Variants in GPR26 observed in about 807,000 individuals in gnomAD.
The protein encoded by GPR26 is G protein-coupled receptor 26.
A neutral mutation model predicts 23.1 loss-of-function variants in GPR26; 15 were observed. That is an observed-to-expected ratio of 0.65 (90% CI 0.43 to 1.00). The LOEUF is 1.00. Ranked by LOEUF, GPR26 falls within the 50% of genes least tolerant of loss-of-function variation. GPR26 has a pLI of 0.00. For missense variants in GPR26, 359 were observed against 470.5 expected (o/e 0.76, Z 2.19); for synonymous variants, 228 against 222.1 (o/e 1.03, Z -0.24).
intron 1 of GPR26, among the ~76,000 whole-genome samples, chr10:123,670,976 G>A (rs1845243456): frequency 6.6e-6 from 1 of 152,302 alleles, no homozygotes; most frequent in Non-Finnish European, 1.5e-5. Flanking sequence ...AGGGCCCAGG[G>A]CAGGGGTCCC....
In GPR26 at chr10:123,670,540, G is replaced by A. The variant is rs571436656; in HGVS notation, c.668+3465G>A. 9.9e-5 allele frequency among the ~76,000 whole-genome samples: 15 copies of A among 152,276 alleles called. No individual in the cohort carries two copies. In the East Asian group the frequency reaches 2.3e-3, roughly 24 times the overall value. The stretch of plus-strand genomic sequence containing the variant: ...TGGTGAATATACCTTTATAATGACC[G>A]GCAAGGCTGGGTTCGCATTTAGAAT... On this transcript the variant is annotated intron_variant, in intron 1 of 2. Transcript: ENST00000284674.
chr10:123,675,033 C>G, intron 2 of GPR26, 102 bp downstream of exon 2: 1 of 715,576 alleles, frequency 1.4e-6, no homozygotes, highest in South Asian at 1.6e-5. Flanking sequence ...TTCTTCTGCA[C>G]GGTGTGTTGT....
rs1220581817 is a variant in GPR26 at position 123,694,189 on chromosome 10, G to C, written c.*6029G>C. The C allele has an allele frequency of 2.0e-5, 3 of 153,336 alleles. No individual in the cohort carries two copies. The highest frequency in any genetic ancestry group is 4.4e-5 in the Non-Finnish European group (3 of 68,864). 9.5% of individuals were successfully genotyped at this position (153,336 alleles called of 1,614,324 possible). ...AGAGGGAGGGCTGGAGAACTTAGCT[G>C]GTGGGAAAGGAGGGTTCTGGAAGGC... On this transcript the variant is annotated 3_prime_UTR_variant, in exon 3 of 3. Coordinates refer to ENST00000284674, the MANE Select transcript of GPR26 (RefSeq NM_153442.4).
intron 2 of GPR26, among the ~76,000 whole-genome samples, chr10:123,679,064 TGTTCTTTTCAAGATGATTTCCAA>T (rs1418808856): frequency 6.6e-6 from 1 of 152,264 alleles, no homozygotes; most frequent in Non-Finnish European, 1.5e-5. Context: ...ATTTTTCTGC[TGTTCTTTTCAAGATGATTTCCAA>T]GTGTAGACAT....
At position 123,666,809 on chromosome 10, in the gene GPR26, G is replaced by C; in HGVS notation, c.402G>C (p.Ala134=). The C allele has an allele frequency of 6.2e-7, 1 of 1,607,822 alleles. No individual in the cohort carries two copies. Among genetic ancestry groups the C allele is most frequent in the Non-Finnish European group, 8.5e-7 (1 of 1,177,972 alleles). ...ALMVAYTWLH[A]LTFPAAALAL... is the part of the protein sequence containing the mutation. ...TGGTGGCCTACACGTGGCTGCACGC[G>C]CTCACCTTCCCAGCCGCCGCGCTCG... The change falls in exon 1 of 3, where the codon GCG becomes GCC. Residue 134 remains alanine, a synonymous_variant. Transcript: ENST00000284674.
At chr10:123,672,849 T>TATCA (rs977299798) in intron 1 of GPR26, among the ~76,000 whole-genome samples, 8 of 152,222 alleles carry the variant, frequency 5.3e-5, no homozygotes, top group African/African-American at 1.4e-4. Context: ...TTGGTCACCC[T>TATCA]ATCACCACCA....
chr10:123,673,645 T>C (rs1845274949), intron 1 of GPR26, among the ~76,000 whole-genome samples: 1 of 152,138 alleles, frequency 6.6e-6, no homozygotes, highest in African/African-American at 2.4e-5. Flanking sequence ...TCAAGCTTGG[T>C]CCCTGGAGGA....
chr10:123,684,011 T>G (rs1401817073), intron 2 of GPR26, among the ~76,000 whole-genome samples: 1 of 152,020 alleles, frequency 6.6e-6, no homozygotes, highest in Non-Finnish European at 1.5e-5. Flanking sequence ...TCCCGGCCTC[T>G]CCCCAGCTCC....
rs1350159665 is a variant in GPR26, at chr10:123,689,089, G to A, written c.*929G>A. 1 of 152,186 alleles carries A rather than the reference G, an allele frequency of 6.6e-6. No individual in the cohort carries two copies. Among genetic ancestry groups the A allele is most frequent in the Non-Finnish European group, 1.5e-5 (1 of 68,040 alleles). 9.4% of individuals were successfully genotyped at this position (152,186 alleles called of 1,614,324 possible). A position where few individuals can be genotyped will look rare whatever the true frequency, so the allele number is the denominator to read the frequency against. ...ATCTGGCATGTCCTGGGAGATGGATGGGCAAGAACTGGCCTGAGCAGGGAT... is the reference window on the plus strand; with the variant it reads ...ATCTGGCATGTCCTGGGAGATGGATAGGCAAGAACTGGCCTGAGCAGGGAT... On this transcript the variant is annotated 3_prime_UTR_variant, in exon 3 of 3. Coordinates refer to ENST00000284674, the MANE Select transcript of GPR26 (RefSeq NM_153442.4).
In GPR26 at chr10:123,695,849, T is replaced by G. The variant is rs906510117; in HGVS notation, c.*7689T>G. 6.6e-6 allele frequency among the ~76,000 whole-genome samples: 1 copy of G among 152,214 alleles called. No homozygotes were observed. The highest frequency in any genetic ancestry group is 2.4e-5 in the African/African-American group (1 of 41,464). ...ACACTCCTGTTTTACAACAAACATGTAAATACAACCTCTTTTGGAGTGCAG... is the reference window on the plus strand; with the variant it reads ...ACACTCCTGTTTTACAACAAACATGGAAATACAACCTCTTTTGGAGTGCAG... On this transcript the variant is annotated 3_prime_UTR_variant, in exon 3 of 3. Transcript: ENST00000284674.
chr10:123,670,639 C>G (rs1256763598), intron 1 of GPR26, among the ~76,000 whole-genome samples: 1 of 152,208 alleles, frequency 6.6e-6, no homozygotes, highest in Non-Finnish European at 1.5e-5. Flanking sequence ...GCCTCCCACC[C>G]CAGCTCTAAC....
In GPR26 at chr10:123,696,229, C is replaced by T. The variant is rs993382073; in HGVS notation, c.*8069C>T. Among the ~76,000 whole-genome samples the T allele has an allele frequency of 2.6e-5, 4 of 152,172 alleles. No homozygotes were observed. Among genetic ancestry groups the T allele is most frequent in the Non-Finnish European group, 4.4e-5 (3 of 68,034 alleles). The stretch of plus-strand genomic sequence containing the variant: ...CCTTCTTCATGGAACACACTCATTT[C>T]GCCACACGGAGGCTTTACTCTGCCC... On this transcript the variant is annotated 3_prime_UTR_variant, in exon 3 of 3. Coordinates refer to ENST00000284674, the MANE Select transcript of GPR26 (RefSeq NM_153442.4).
In GPR26 at chr10:123,695,689, C is replaced by T. The variant is rs1273638636; in HGVS notation, c.*7529C>T. ...ACCAAACACCCTGCACCAAAAGACT[C>T]AGCTTGACATTGCTTTGCACTCAAC... On this transcript the variant is annotated 3_prime_UTR_variant, in exon 3 of 3. Transcript: ENST00000284674. Among the ~76,000 whole-genome samples, 1 of 152,176 alleles carries T rather than the reference C, an allele frequency of 6.6e-6. No homozygotes were observed. The highest frequency in any genetic ancestry group is 1.5e-5 in the Non-Finnish European group (1 of 68,046).
chr10:123,693,049 C>G lies in GPR26; in HGVS notation c.*4889C>G, dbSNP rs1487297219. On this transcript the variant is annotated 3_prime_UTR_variant, in exon 3 of 3. Transcript: ENST00000284674. ...TCTAGGCTCAGCAGATGTTTTTCTG[C>G]CATTAGGAAACAGCCCCTTACTCTC... The G allele has an allele frequency of 6.6e-6, 1 of 152,200 alleles. No homozygotes were observed. Among genetic ancestry groups the G allele is most frequent in the African/African-American group, 2.4e-5 (1 of 41,450 alleles). The allele number at this position is 152,200 out of a possible 1,614,324, so 9.4% of individuals were successfully genotyped here.
Position 123,696,536 on chromosome 10 carries a change from T to A in GPR26, c.*8376T>A, listed in dbSNP as rs1157361637. 6.6e-6 allele frequency among the ~76,000 whole-genome samples: 1 copy of A among 152,222 alleles called. No homozygotes were observed. The highest frequency in any genetic ancestry group is 2.1e-4 in the South Asian group (1 of 4,828). Reference sequence around the variant, plus strand: ...GTGCCAGCTGGTTTAGCATTCAATATGGAAATGCACTTTATATTTATTTGC... The same window carrying A: ...GTGCCAGCTGGTTTAGCATTCAATAAGGAAATGCACTTTATATTTATTTGC... On this transcript the variant is annotated 3_prime_UTR_variant, in exon 3 of 3. Coordinates refer to ENST00000284674, the MANE Select transcript of GPR26 (RefSeq NM_153442.4).
rs1845495598 is a variant in GPR26 at position 123,692,010 on chromosome 10, C to T, written c.*3850C>T. Reference sequence around the variant, plus strand: ...TTGTATCTTTCCCTAATTCTCCAAACAGTTCAATCTCCAGCTTTATTCAAT... The same window carrying T: ...TTGTATCTTTCCCTAATTCTCCAAATAGTTCAATCTCCAGCTTTATTCAAT... On this transcript the variant is annotated 3_prime_UTR_variant, in exon 3 of 3. Coordinates refer to ENST00000284674, the MANE Select transcript of GPR26 (RefSeq NM_153442.4). 1.3e-5 allele frequency: 2 copies of T among 152,238 alleles called. No individual in the cohort carries two copies. The highest frequency in any genetic ancestry group is 4.8e-5 in the African/African-American group (2 of 41,462). 9.4% of individuals were successfully genotyped at this position (152,238 alleles called of 1,614,324 possible). A position where few individuals can be genotyped will look rare whatever the true frequency, so the allele number is the denominator to read the frequency against.
intron 1 of GPR26, among the ~76,000 whole-genome samples, chr10:123,670,385 C>T (rs1845235820): frequency 6.6e-6 from 1 of 152,234 alleles, no homozygotes; most frequent in Non-Finnish European, 1.5e-5. Context: ...AAGACTCACA[C>T]TCAGGTCTGC....
rs1420533517 is a variant in GPR26 at position 123,666,740 on chromosome 10, G to A, written c.333G>A (p.Pro111=). The A allele has an allele frequency of 6.3e-7, 1 of 1,598,302 alleles. No individual in the cohort carries two copies. Among genetic ancestry groups the A allele is most frequent in the South Asian group, 1.1e-5 (1 of 89,824 alleles). Residue 111 remains proline, a synonymous_variant, in exon 1 of 3, where the codon CCG becomes CCA. Transcript: ENST00000284674. The part of the protein sequence containing the change: ...SIDRWVAVVF[P]LSYRAKMRLR... ...ACCGCTGGGTGGCCGTGGTCTTCCCGCTGAGCTACCGGGCCAAGATGCGCC... is the reference window on the plus strand; with the variant it reads ...ACCGCTGGGTGGCCGTGGTCTTCCCACTGAGCTACCGGGCCAAGATGCGCC...
rs1845284014 is a variant in GPR26 at position 123,674,419 on chromosome 10, T to C, written c.669-399T>C. 6.6e-6 allele frequency among the ~76,000 whole-genome samples: 1 copy of C among 152,178 alleles called. No homozygotes were observed. Among genetic ancestry groups the C allele is most frequent in the Non-Finnish European group, 1.5e-5 (1 of 68,032 alleles). On this transcript the variant is annotated intron_variant, in intron 1 of 2. Coordinates refer to ENST00000284674, the MANE Select transcript of GPR26 (RefSeq NM_153442.4). This position sits in a 1 kb window ranked among gnomAD's most constrained non-coding sequence, Gnocchi z 4.1. ...CATAGCAGATGATCAGTGAATGATA[T>C]GAGCAATAATAAGAGGTAATGTTTA... is the stretch of plus-strand genomic sequence containing the variant.
Sources: gnomAD v4.1 joint callset for allele counts (sites outside exome capture counted in the v4.1 genomes callset) on GRCh38, gnomAD v4.1.1 for gene constraint, Gnocchi (gnomAD v3.1) non-coding constraint, MANE v1.5 for transcripts, NCBI Gene and HGNC (gene_info 2026-07-23, HGNC 2026-07-21) for gene names.